ACACA: variants seen among roughly 807,000 people sequenced by gnomAD.
ACACA encodes the protein acetyl-CoA carboxylase 1.
In ACACA, 103 loss-of-function variants were observed where a neutral mutation model predicts 296.1. That is an observed-to-expected ratio of 0.35 (90% CI 0.30 to 0.41). The LOEUF (loss-of-function observed/expected upper bound fraction) is 0.41, where lower values mean the gene tolerates loss of function less well. ACACA is among the 10% of genes least tolerant of loss of function. The probability of loss-of-function intolerance (pLI) is 1.00; values close to 1 mark genes in which losing one functional copy is unlikely to be tolerated. For missense variants in ACACA, 1,554 were observed against 2,989.7 expected, an observed-to-expected ratio of 0.52 and a Z score of 11.20; for synonymous variants, 953 against 1,038.6, an observed-to-expected ratio of 0.92 and a Z score of 1.58.
chr17:37,319,834 C>A (rs1598478678), intron 3 of ACACA, among the ~76,000 whole-genome samples: 1 of 152,104 alleles, frequency 6.6e-6, no homozygotes, highest in Non-Finnish European at 1.5e-5. Context: ...CCCCTGTAAT[C>A]CCAGCTACTC....
At chr17:37,105,877 AAAAG>A (rs929377770) in intron 52 of ACACA, among the ~76,000 whole-genome samples, 76 of 151,348 alleles carry the variant, frequency 5.0e-4, no homozygotes, top group Middle Eastern at 6.8e-3. Flanking sequence ...AAAAAAAAAA[AAAAG>A]AAAGAAAGAA....
chr17:37,239,129 T>C (rs993633426), intron 24 of ACACA, among the ~76,000 whole-genome samples: 1 of 152,046 alleles, frequency 6.6e-6, no homozygotes, highest in African/African-American at 2.4e-5. Flanking sequence ...ACATCTAGCC[T>C]GCTATTTTAA....
chr17:37,252,119 G>C lies in ACACA; in HGVS notation c.1978-11C>G. 2 of 1,611,828 alleles carry C rather than the reference G, an allele frequency of 1.2e-6. No individual in the cohort carries two copies. Among genetic ancestry groups the C allele is most frequent in the South Asian group, 2.2e-5 (2 of 91,040 alleles). On this transcript the variant is annotated splice_polypyrimidine_tract_variant and intron_variant, in intron 15 of 55. Coordinates refer to ENST00000616317, the MANE Select transcript of ACACA (RefSeq NM_198834.3). Reference sequence around the variant, plus strand: ...GTCAGGTCGCTCAGCCTGAAAGGAGGAAAAAGAGGGCAGATCAAATGCATG... The same window carrying C: ...GTCAGGTCGCTCAGCCTGAAAGGAGCAAAAAGAGGGCAGATCAAATGCATG...
chr17:37,190,605 G>A (rs895511414), intron 38 of ACACA, among the ~76,000 whole-genome samples: 6 of 152,104 alleles, frequency 3.9e-5, no homozygotes, highest in African/African-American at 1.4e-4. Flanking sequence ...TAATACATGA[G>A]AAATTCCTTA....
rs2074082655 is a variant in ACACA at position 37,113,424 on chromosome 17, T to G, written c.6275-159A>C. Among the ~76,000 whole-genome samples the G allele has an allele frequency of 6.6e-6, 1 of 152,174 alleles. No homozygotes were observed. The highest frequency in any genetic ancestry group is 2.4e-5 in the African/African-American group (1 of 41,438). On this transcript the variant is annotated intron_variant, in intron 50 of 55. Coordinates refer to ENST00000616317, the MANE Select transcript of ACACA (RefSeq NM_198834.3). The surrounding 1 kb of genome is among the most constrained non-coding windows in gnomAD (Gnocchi z 4.0). ...AAAGGGAGTATCGACCTGTATCCCA[T>G]TCAAGACTCCAGAGGATCTTCAAAA...
Position 37,161,928 on chromosome 17 carries a change from C to G in ACACA, c.5202G>C (p.Leu1734Phe). Reference protein sequence around the residue: ...RIGSFGPQEDLLFLRASELAR... With the variant: ...RIGSFGPQEDFLFLRASELAR... ...CAAGTTCGGAAGCTCTGAGAAATAA[C>G]AAATCCTCTTGAGGCCCAAAGGACC... The change falls in exon 42 of 56, where the codon TTG (leucine) becomes TTC (phenylalanine). Residue 1734 changes from leucine (L) to phenylalanine (F), a missense_variant. By Grantham distance (22) the Leu-to-Phe change is conservative. Around this residue, in one of 16 missense-constraint regions of ACACA, gnomAD observed 553 missense variants for 1,043.6 expected, o/e 0.53. Coordinates refer to ENST00000616317, the MANE Select transcript of ACACA (RefSeq NM_198834.3). The G allele has an allele frequency of 6.2e-7, 1 of 1,614,214 alleles. No individual in the cohort carries two copies. Among genetic ancestry groups the G allele is most frequent in the East Asian group, 2.2e-5 (1 of 44,890 alleles).
chr17:37,383,993 C>T (rs1438886747), intron 1 of ACACA, among the ~76,000 whole-genome samples: 2 of 152,118 alleles, frequency 1.3e-5, no homozygotes, highest in East Asian at 1.9e-4. Context: ...GAGCCGGGCG[C>T]GGTGTCTCAT....
intron 23 of ACACA, among the ~76,000 whole-genome samples, chr17:37,241,710 A>T (rs908235483): frequency 2.0e-5 from 3 of 152,100 alleles, no homozygotes; most frequent in Non-Finnish European, 1.5e-5. Flanking sequence ...CTGTCTCAAA[A>T]AATAATAATA....
At chr17:37,342,436 A>AAATATATAT (rs1555652530) in intron 1 of ACACA, among the ~76,000 whole-genome samples, 29 of 58,202 alleles carry the variant, frequency 5.0e-4, no homozygotes, top group Non-Finnish European at 6.7e-4. Context: ...AAAAAAAAAA[A>AAATATATAT]ATATATATAT....
rs1178427184 is a variant in ACACA, at chr17:37,270,876, A to G, written c.1009-15T>C. On this transcript the variant is annotated splice_polypyrimidine_tract_variant and intron_variant, in intron 9 of 55. Transcript: ENST00000616317. ...TCCTCAGCTGCCTTCAAAAAGAAAG[A>G]AAAAAAAAATAGAAGAAACAGTGTT... is the stretch of plus-strand genomic sequence containing the variant. 8 of 1,512,188 alleles carry G rather than the reference A, an allele frequency of 5.3e-6. No homozygotes were observed. The highest frequency in any genetic ancestry group is 1.7e-4 in the Middle Eastern group (1 of 5,804). The allele number at this position is 1,512,188 out of a possible 1,614,324, so 93.7% of individuals were successfully genotyped here.
rs183085739 is a variant in ACACA at position 37,122,654 on chromosome 17, C to T, written c.6042-27G>A. On this transcript the variant is annotated intron_variant, in intron 48 of 55. Coordinates refer to ENST00000616317, the MANE Select transcript of ACACA (RefSeq NM_198834.3). ...TGATAAAACATGAGTCACATAAGAACCCAATGTATGTCAACATTATAGCTA... is the reference window on the plus strand; with the variant it reads ...TGATAAAACATGAGTCACATAAGAATCCAATGTATGTCAACATTATAGCTA... The T allele has an allele frequency of 2.3e-5, 37 of 1,579,304 alleles. No homozygotes were observed. The Admixed American group carries it at 5.5e-4, about 23-fold the overall frequency.
chr17:37,173,192 G>A (rs1373056694), intron 41 of ACACA, among the ~76,000 whole-genome samples: 4 of 152,094 alleles, frequency 2.6e-5, no homozygotes, highest in Admixed American at 6.5e-5. Flanking sequence ...ACCAAAACCC[G>A]TAAGCATATA....
intron 41 of ACACA, among the ~76,000 whole-genome samples, chr17:37,166,706 G>A (rs1417467120): frequency 2.0e-5 from 3 of 152,170 alleles, no homozygotes; most frequent in South Asian, 2.1e-4. Flanking sequence ...TATGCTAGCC[G>A]TATAACCTTG....
intron 42 of ACACA, among the ~76,000 whole-genome samples, chr17:37,158,932 C>A (rs907723920): frequency 6.6e-6 from 1 of 152,126 alleles, no homozygotes; most frequent in Admixed American, 6.5e-5. Flanking sequence ...AATCTCAGCA[C>A]TTGGGGAGGC....
chr17:37,258,389 A>G lies in ACACA; in HGVS notation c.1501-16T>C, dbSNP rs936924501. 3 of 1,613,182 alleles carry G rather than the reference A, an allele frequency of 1.9e-6. No homozygotes were observed. Among genetic ancestry groups the G allele is most frequent in the Non-Finnish European group, 2.5e-6 (3 of 1,179,280 alleles). On this transcript the variant is annotated splice_polypyrimidine_tract_variant and intron_variant, in intron 12 of 55. Transcript: ENST00000616317. ...CCATGGCAATCTGAAAGGTAATAAA[A>G]CACACATCTTTAATTTTTCAGTTAC...
chr17:37,247,611 C>T (rs1407712418), intron 18 of ACACA, among the ~76,000 whole-genome samples: 8 of 152,228 alleles, frequency 5.3e-5, no homozygotes, highest in Non-Finnish European at 1.0e-4. Flanking sequence ...AGGTGATCCA[C>T]CTGCCTCGGC....
intron 3 of ACACA, among the ~76,000 whole-genome samples, chr17:37,292,660 A>G (rs2083125554): frequency 6.6e-6 from 1 of 152,246 alleles, no homozygotes; most frequent in Admixed American, 6.5e-5. Flanking sequence ...ATTCAAGGCC[A>G]GCCTTGCCAA....
intron 54 of ACACA, among the ~76,000 whole-genome samples, chr17:37,092,349 A>G (rs1322948567): frequency 6.6e-6 from 1 of 151,992 alleles, no homozygotes; most frequent in Non-Finnish European, 1.5e-5. Flanking sequence ...GTGATATGCT[A>G]GGCTGCTAAC....
intron 47 of ACACA, among the ~76,000 whole-genome samples, chr17:37,126,290 T>C (rs1033445338): frequency 2.6e-5 from 4 of 152,046 alleles, no homozygotes; most frequent in Non-Finnish European, 4.4e-5. Context: ...GAGGGAAAAA[T>C]AGGAACTCAG....
Sources: allele counts gnomAD v4.1 joint callset (sites outside exome capture counted in the v4.1 genomes callset), GRCh38; gene constraint gnomAD v4.1.1; regional missense constraint gnomAD v4.1.1; non-coding constraint Gnocchi (gnomAD v3.1); transcripts MANE v1.5; gene names NCBI Gene and HGNC (gene_info 2026-07-23, HGNC 2026-07-21).